Variants in HCLS1 observed in about 807,000 individuals in gnomAD.
HCLS1 encodes hematopoietic lineage cell-specific protein.
HCLS1 carries 44 observed loss-of-function variants against 68.6 expected under a neutral mutation model. The ratio of observed to expected loss-of-function variants is 0.64; its 90% confidence interval spans 0.50 to 0.82. HCLS1 has a LOEUF of 0.82. Among genes scored for constraint, HCLS1 ranks in the 40% least tolerant of loss-of-function variants. HCLS1 has a pLI of 0.00. For missense variants in HCLS1, 602 were observed against 612.1 expected (o/e 0.98, Z 0.17); for synonymous variants, 217 against 225.8 (o/e 0.96, Z 0.35).
chr3:121,637,683 C>T (rs767968075), intron 6 of HCLS1, among the ~76,000 whole-genome samples: 2 of 152,146 alleles, frequency 1.3e-5, no homozygotes, highest in Non-Finnish European at 2.9e-5. Flanking sequence ...TGCCTGTAAT[C>T]CCAGCACTTC....
chr3:121,634,643 CTT>C (rs1283542925), intron 9 of HCLS1, among the ~76,000 whole-genome samples: 1 of 149,398 alleles, frequency 6.7e-6, no homozygotes, highest in African/African-American at 2.5e-5. Context: ...AGACTCGTGT[CTT>C]TTTTTTTTCT....
rs545091335 is a variant in HCLS1 at position 121,644,475 on chromosome 3, T to C, written c.399+343A>G. On this transcript the variant is annotated intron_variant, in intron 5 of 13. Coordinates refer to ENST00000314583, the MANE Select transcript of HCLS1 (RefSeq NM_005335.6). ...TTTTCCTAAACGGCATGAGTATTTATAAGGTTTTGATGTTAAGCCAAAAGA... is the reference window on the plus strand; with the variant it reads ...TTTTCCTAAACGGCATGAGTATTTACAAGGTTTTGATGTTAAGCCAAAAGA... The C allele has an allele frequency of 1.3e-5, 5 of 372,940 alleles. No homozygotes were observed. In the East Asian group the frequency reaches 2.6e-4, roughly 19 times the overall value. The allele number at this position is 372,940 out of a possible 1,614,324, so 23.1% of individuals were successfully genotyped here.
intron 4 of HCLS1, among the ~76,000 whole-genome samples, chr3:121,646,609 CTTA>C (rs937713267): frequency 1.9e-4 from 20 of 105,296 alleles, no homozygotes; most frequent in East Asian, 1.6e-3. Context: ...AATATATATA[CTTA>C]TTATATATTA....
At chr3:121,634,626 C>T (rs576762966) in intron 9 of HCLS1, among the ~76,000 whole-genome samples, 7 of 152,098 alleles carry the variant, frequency 4.6e-5, no homozygotes, top group South Asian at 2.1e-4. Flanking sequence ...CCAGGCTATA[C>T]GACCTAAGAC....
intron 9 of HCLS1, among the ~76,000 whole-genome samples, chr3:121,635,209 T>TTC (rs143095062): frequency 5.1e-5 from 7 of 136,268 alleles, no homozygotes; most frequent in African/African-American, 1.4e-4. Flanking sequence ...TTTTCTTTCT[T>TTC]TCTCTCTCTC....
At chr3:121,653,033 T>C (rs898298004) in intron 3 of HCLS1, among the ~76,000 whole-genome samples, 1 of 152,182 alleles carries the variant, frequency 6.6e-6, no homozygotes, top group Admixed American at 6.5e-5. Flanking sequence ...GGATTCAGGA[T>C]TTTTTCAGGT....
intron 3 of HCLS1, among the ~76,000 whole-genome samples, chr3:121,654,767 T>C (rs1937824912): frequency 6.6e-6 from 1 of 152,172 alleles, no homozygotes; most frequent in East Asian, 1.9e-4. Flanking sequence ...GTTTTTTGTT[T>C]TTTCATTTTG....
intron 3 of HCLS1, among the ~76,000 whole-genome samples, chr3:121,648,124 T>G (rs983432451): frequency 1.3e-5 from 2 of 152,206 alleles, no homozygotes; most frequent in Non-Finnish European, 2.9e-5. Flanking sequence ...TTTTATGCTT[T>G]TTGGTCATGA....
chr3:121,632,069 G>A (rs768270380), intron 13 of HCLS1, 32 bp downstream of exon 13: 2 of 1,612,978 alleles, frequency 1.2e-6, no homozygotes, highest in South Asian at 2.2e-5. Context: ...GGGCCTCCAT[G>A]TACCAGGCTC....
At chr3:121,658,465 A>C (rs528717768) in intron 1 of HCLS1, 118 bp from the exon 2 acceptor site, 3 of 742,532 alleles carry the variant, frequency 4.0e-6, no homozygotes, top group East Asian at 2.7e-5. Context: ...TTTTTTTCTT[A>C]GAAGAAAATA....
chr3:121,645,443 A>G (rs938790454), intron 4 of HCLS1, among the ~76,000 whole-genome samples: 2 of 152,230 alleles, frequency 1.3e-5, no homozygotes, highest in African/African-American at 4.8e-5. Flanking sequence ...GGACATGTAT[A>G]CAAAAAAAAT....
intron 9 of HCLS1, among the ~76,000 whole-genome samples, chr3:121,635,188 CTCTTTCTT>C (rs1216493349): frequency 6.6e-6 from 1 of 151,692 alleles, no homozygotes; most frequent in African/African-American, 2.4e-5. Context: ...TTGACTTTCT[CTCTTTCTT>C]TCTTTTCTTT....
intron 6 of HCLS1, among the ~76,000 whole-genome samples, chr3:121,642,668 C>T (rs2049211837): frequency 6.6e-6 from 1 of 151,678 alleles, no homozygotes; most frequent in African/African-American, 2.4e-5. Context: ...CACAGCTACT[C>T]AGAACGCTGA....
At chr3:121,647,639 C>T (rs567289764) in intron 3 of HCLS1, among the ~76,000 whole-genome samples, 191 bp from the exon 4 acceptor site, 58 of 152,338 alleles carry the variant, frequency 3.8e-4, no homozygotes, top group Middle Eastern at 3.4e-3. Context: ...GATTTAAACT[C>T]TCCATAGGCC....
At chr3:121,639,534 TTG>T (rs2049179090) in intron 6 of HCLS1, among the ~76,000 whole-genome samples, 1 of 151,120 alleles carries the variant, frequency 6.6e-6, no homozygotes, top group African/African-American at 2.4e-5. Flanking sequence ...TTATTTTTTG[TTG>T]TTGTTGTTGT....
chr3:121,632,754 A>G (rs912739461), intron 11 of HCLS1, among the ~76,000 whole-genome samples, 191 bp from the exon 12 acceptor site: 3 of 136,156 alleles, frequency 2.2e-5, no homozygotes, highest in Non-Finnish European at 4.7e-5. Context: ...ACACCCACCC[A>G]CCCAAAACAC....
intron 2 of HCLS1, chr3:121,657,954 C>A (rs1937908950): frequency 3.1e-6 from 1 of 322,788 alleles, no homozygotes; most frequent in Non-Finnish European, 5.7e-6. Context: ...TACACATGCC[C>A]AGCTTGAATC....
intron 6 of HCLS1, 132 bp from the exon 7 acceptor site, chr3:121,637,388 G>A: frequency 1.6e-6 from 1 of 635,142 alleles, no homozygotes; most frequent in East Asian, 2.6e-5. Flanking sequence ...CTTGAATACA[G>A]GGGAATTAAA....
At chr3:121,642,497 G>A (rs1039528192) in intron 6 of HCLS1, among the ~76,000 whole-genome samples, 2 of 151,376 alleles carry the variant, frequency 1.3e-5, no homozygotes, top group Non-Finnish European at 2.9e-5. Context: ...GTAAAATAGC[G>A]GTGGGTGTGG....
Sources: allele counts gnomAD v4.1 joint callset (sites outside exome capture counted in the v4.1 genomes callset), GRCh38; gene constraint gnomAD v4.1.1; transcripts MANE v1.5; gene names NCBI Gene and HGNC (gene_info 2026-07-23, HGNC 2026-07-21).